NRG1: variants seen among roughly 807,000 people sequenced by gnomAD.
NRG1 encodes neuregulin 1, also known as pro-neuregulin-1, membrane-bound isoform.
A neutral mutation model predicts 63.8 loss-of-function variants in NRG1; 18 were observed. That is an observed-to-expected ratio of 0.28 (90% CI 0.19 to 0.42). The LOEUF is 0.42. NRG1 is among the 10% of genes least tolerant of loss of function. The pLI, the probability that NRG1 is intolerant of heterozygous loss-of-function variation, is 1.00. For synonymous variants in NRG1, 302 were observed against 301.3 expected (o/e 1.00, Z -0.02); for missense variants, 762 against 814.7 (o/e 0.94, Z 0.79).
chr8:32,700,334 G>A (rs1041938003), intron 5 of NRG1, among the ~76,000 whole-genome samples: 1 of 152,082 alleles, frequency 6.6e-6, no homozygotes, highest in Admixed American at 6.5e-5. Context: ...TGAGTGAAAT[G>A]ATAGGGCAAA....
chr8:32,764,265 G>A, exon 12 of NRG1: 1 of 1,614,082 alleles, frequency 6.2e-7, no homozygotes, highest in Non-Finnish European at 8.5e-7. Flanking sequence ...GAACCCCCTG[G>A]CAGCCAGTCT....
At chr8:32,334,302 T>G (rs962224842) in intron 1 of NRG1, among the ~76,000 whole-genome samples, 1 of 152,176 alleles carries the variant, frequency 6.6e-6, no homozygotes. Context: ...TGTCTACTTA[T>G]CTCTAATATT....
At chr8:31,802,611 C>G (rs1481889758) in intron 1 of NRG1, among the ~76,000 whole-genome samples, 2 of 152,124 alleles carry the variant, frequency 1.3e-5, no homozygotes, top group East Asian at 1.9e-4. Context: ...TGTCTCAAAA[C>G]AGTACACCTG....
intron 5 of NRG1, among the ~76,000 whole-genome samples, chr8:32,625,787 T>C (rs199921471): frequency 7.7e-6 from 1 of 129,432 alleles, no homozygotes; most frequent in Non-Finnish European, 1.7e-5. Context: ...TTTTTTTTTT[T>C]CTTTTTTCTT....
chr8:32,719,535 C>T (rs1006198391), intron 5 of NRG1, among the ~76,000 whole-genome samples: 6 of 151,932 alleles, frequency 3.9e-5, no homozygotes, highest in African/African-American at 1.4e-4. Context: ...ATGTTTGACA[C>T]ACATAAAAAT....
intron 1 of NRG1, among the ~76,000 whole-genome samples, chr8:32,166,108 G>T (rs1474715184): frequency 6.6e-6 from 1 of 152,122 alleles, no homozygotes; most frequent in Non-Finnish European, 1.5e-5. Flanking sequence ...GACAAATATT[G>T]TAGCCACTTG....
At chr8:32,727,323 G>A (rs12674586) in intron 5 of NRG1, among the ~76,000 whole-genome samples, 4,548 of 152,178 alleles carry the variant, frequency 0.03, 286 homozygotes, top group East Asian at 0.27. Context: ...GTATGATGGC[G>A]TTTGGACATT....
chr8:31,834,660 A>G (rs1825530967), intron 1 of NRG1, among the ~76,000 whole-genome samples: 2 of 152,350 alleles, frequency 1.3e-5, no homozygotes, highest in East Asian at 1.9e-4. Context: ...TCAGTAGGCT[A>G]TGATCACATC....
chr8:32,029,076 A>G (rs1000774884), intron 1 of NRG1, among the ~76,000 whole-genome samples: 1 of 152,188 alleles, frequency 6.6e-6, no homozygotes, highest in African/African-American at 2.4e-5. Context: ...CACTTTAGGA[A>G]AGTGTCTTCT....
At chr8:32,417,608 A>T (rs7008991) in intron 1 of NRG1, among the ~76,000 whole-genome samples, 4 of 151,694 alleles carry the variant, frequency 2.6e-5, no homozygotes, top group Admixed American at 2.6e-4. Flanking sequence ...AGTTGGATAC[A>T]CTTCCCACAC....
At chr8:32,087,744 C>T (rs745703824) in intron 1 of NRG1, among the ~76,000 whole-genome samples, 3 of 152,158 alleles carry the variant, frequency 2.0e-5, no homozygotes, top group African/African-American at 7.2e-5. Flanking sequence ...GCTGGGATTA[C>T]AGGCGTGAGG....
chr8:32,028,332 T>G (rs573342613), intron 1 of NRG1, among the ~76,000 whole-genome samples: 1 of 152,298 alleles, frequency 6.6e-6, no homozygotes, highest in South Asian at 2.1e-4. Flanking sequence ...GTATGGTTTA[T>G]GGTTCAATGG....
At chr8:32,767,089 T>C (rs1033365291) in exon 12 of NRG1, 2 of 152,188 alleles carry the variant, frequency 1.3e-5, no homozygotes, top group African/African-American at 4.8e-5. Flanking sequence ...TGCAAATACA[T>C]GCAAAACTCC....
chr8:32,065,528 T>A (rs2130957130), intron 1 of NRG1, among the ~76,000 whole-genome samples: 1 of 152,326 alleles, frequency 6.6e-6, no homozygotes, highest in South Asian at 2.1e-4. Context: ...ACAAAGGACA[T>A]GGCTGCATAG....
rs895843933 is a variant in NRG1 at position 32,236,088 on chromosome 8, T to C, written c.38-359740T>C. On this transcript the variant is annotated intron_variant, in intron 1 of 10. Transcript: ENST00000519301. The stretch of plus-strand genomic sequence containing the variant: ...CAGAGTCTACTATCAGAATCCTGTT[T>C]CCCACCATAAGGATTAAGATTTTTT... Among the ~76,000 whole-genome samples, 7 of 152,036 alleles carry C rather than the reference T, an allele frequency of 4.6e-5. No individual in the cohort carries two copies. The East Asian group carries it at 9.7e-4, about 21-fold the overall frequency.
At chr8:31,757,670 C>G (rs772325052) in intron 1 of NRG1, among the ~76,000 whole-genome samples, 1 of 151,762 alleles carries the variant, frequency 6.6e-6, no homozygotes, top group Non-Finnish European at 1.5e-5. Flanking sequence ...GTAGGAGGAC[C>G]CTGTAGAGGG....
intron 5 of NRG1, among the ~76,000 whole-genome samples, chr8:32,711,625 A>C (rs745897076): frequency 1.6e-4 from 24 of 152,322 alleles, no homozygotes; most frequent in Non-Finnish European, 3.2e-4. Context: ...AGAGGAAAGA[A>C]GATGTTTAAG....
intron 1 of NRG1, among the ~76,000 whole-genome samples, chr8:31,673,500 G>A (rs1807369587): frequency 6.6e-6 from 1 of 152,158 alleles, no homozygotes; most frequent in Non-Finnish European, 1.5e-5. Context: ...AGATCATCAA[G>A]CTTATTAAAT....
chr8:32,640,638 A>G (rs900939117), intron 5 of NRG1, among the ~76,000 whole-genome samples: 2 of 151,274 alleles, frequency 1.3e-5, no homozygotes, highest in African/African-American at 2.4e-5. Flanking sequence ...ACACACACAC[A>G]CACACACACA....
Sources: allele counts gnomAD v4.1 joint callset (sites outside exome capture counted in the v4.1 genomes callset), GRCh38; gene constraint gnomAD v4.1.1; transcripts MANE v1.5; gene names NCBI Gene and HGNC (gene_info 2026-07-23, HGNC 2026-07-21).